ACO2: variants seen among roughly 807,000 people sequenced by gnomAD.
The protein encoded by ACO2 is aconitate hydratase, mitochondrial.
In ACO2, 31 loss-of-function variants were observed where a neutral mutation model predicts 84.5. The ratio of observed to expected loss-of-function variants is 0.37; its 90% CI spans 0.28 to 0.50. ACO2 has a LOEUF of 0.50. Ranked by LOEUF, ACO2 falls within the 20% of genes least tolerant of loss-of-function variation. The pLI, the probability that ACO2 is intolerant of heterozygous loss-of-function variation, is 0.97. For missense variants in ACO2, 685 were observed against 1,029.3 expected (o/e 0.67, Z 4.58); for synonymous variants, 414 against 412.7 (o/e 1.00, Z -0.04).
chr22:41,518,560 T>A lies in ACO2; in HGVS notation c.1020T>A (p.Ile340=), dbSNP rs779881455. 4.8e-5 allele frequency: 77 copies of A among 1,612,852 alleles called. No individual in the cohort carries two copies. Among genetic ancestry groups the A allele is most frequent in the Non-Finnish European group, 6.0e-5 (71 of 1,179,034 alleles). The change falls in exon 8 of 18, where the codon ATT becomes ATA. Residue 340 remains isoleucine, a synonymous_variant. Transcript: ENST00000216254. ...GCCATTATGACCAACTAATTGAAAT[T>A]AACCTCAGTGAGGTGAGGAGACAAT... The part of the protein sequence containing the change: ...PGCHYDQLIE[I]NLSELKPHIN...
In ACO2 at chr22:41,528,185, G is replaced by A. The variant is rs2066643955; in HGVS notation, c.2208+163G>A. ...ACAGAGAAAGCAAAGTGGCTTCTCAGAGTTGGGGGTTGGAGTCAACCCGGG... is the reference window on the plus strand; with the variant it reads ...ACAGAGAAAGCAAAGTGGCTTCTCAAAGTTGGGGGTTGGAGTCAACCCGGG... On this transcript the variant is annotated intron_variant, in intron 17 of 17. Coordinates refer to ENST00000216254, the MANE Select transcript of ACO2 (RefSeq NM_001098.3). 14 of 1,162,440 alleles carry A rather than the reference G, an allele frequency of 1.2e-5. No individual in the cohort carries two copies. In the South Asian group the frequency reaches 2.1e-4, roughly 18 times the overall value. 72.0% of individuals were successfully genotyped at this position (1,162,440 alleles called of 1,614,324 possible). A position where few individuals can be genotyped will look rare whatever the true frequency, so the allele number is the denominator to read the frequency against.
intron 2 of ACO2, among the ~76,000 whole-genome samples, chr22:41,504,554 A>G (rs1339578775): frequency 6.6e-6 from 1 of 152,052 alleles, no homozygotes; most frequent in Non-Finnish European, 1.5e-5. Context: ...CTCGGGGCCC[A>G]GAAGGAGGGG....
chr22:41,469,164 A>G lies in ACO2; in HGVS notation c.18A>G (p.Leu6=), dbSNP rs1287910260. 1.2e-6 allele frequency: 2 copies of G among 1,609,304 alleles called. No homozygotes were observed. The highest frequency in any genetic ancestry group is 2.3e-5 in the East Asian group (1 of 44,268). MAPYS[L]LVTRLQKALG... ...TGCACAAAATGGCGCCCTACAGCCT[A>G]CTGGTGACTCGGCTGCAGGTGAGCG... Residue 6 remains leucine, a synonymous_variant, in exon 1 of 18, where the codon CTA becomes CTG. Coordinates refer to ENST00000216254, the MANE Select transcript of ACO2 (RefSeq NM_001098.3).
At chr22:41,507,645 C>T (rs1414126261) in intron 2 of ACO2, 146 bp from the exon 3 acceptor site, 6 of 1,156,032 alleles carry the variant, frequency 5.2e-6, no homozygotes, top group Non-Finnish European at 6.0e-6. Context: ...CAGCAGTCCC[C>T]ACCCAAGTGG....
intron 4 of ACO2, among the ~76,000 whole-genome samples, chr22:41,514,713 T>A (rs1447631616): frequency 6.6e-6 from 1 of 152,186 alleles, no homozygotes; most frequent in Non-Finnish European, 1.5e-5. Flanking sequence ...TTGGGGGAAG[T>A]GCTCCCCACG....
In ACO2 at chr22:41,524,759, T is replaced by G; in HGVS notation, c.1483-87T>G. 13 of 1,584,766 alleles carry G rather than the reference T, an allele frequency of 8.2e-6. No homozygotes were observed. In the South Asian group the frequency reaches 1.3e-4, roughly 16 times the overall value. The stretch of plus-strand genomic sequence containing the variant: ...AACATGGAAATTTCCTGGGTTCCTT[T>G]CTCAGTTTTGGCCTAGGCTTTTGGT... On this transcript the variant is annotated intron_variant, in intron 12 of 17. Coordinates refer to ENST00000216254, the MANE Select transcript of ACO2 (RefSeq NM_001098.3).
intron 6 of ACO2, chr22:41,517,319 T>C (rs2066483147): frequency 3.7e-6 from 2 of 544,822 alleles, no homozygotes; most frequent in Non-Finnish European, 6.7e-6. Context: ...GCTGGGGCCC[T>C]GAGCTCTGAT....
At chr22:41,525,681 A>C (rs1028486362) in intron 14 of ACO2, 6 of 320,550 alleles carry the variant, frequency 1.9e-5, no homozygotes, top group Non-Finnish European at 2.9e-5. Flanking sequence ...ATTGCACAGC[A>C]GGCTCCACAC....
chr22:41,524,462 T>G (rs957178761), intron 12 of ACO2, among the ~76,000 whole-genome samples: 11 of 152,322 alleles, frequency 7.2e-5, no homozygotes, highest in South Asian at 2.1e-4. Context: ...TACAAATATG[T>G]CTTGCTAAAT....
In ACO2 at chr22:41,515,543, T is replaced by C. The variant is rs768916954; in HGVS notation, c.684+8T>C. ...GAGCTGAAGTGCCCCAAGGTGAGGG[T>C]GGGGAGGGACTCATTCTGGGCTGGC... On this transcript the variant is annotated splice_region_variant and intron_variant, in intron 5 of 17. Transcript: ENST00000216254. This position sits in a 1 kb window ranked among gnomAD's most constrained non-coding sequence, Gnocchi z 5.8. 1 of 1,603,938 alleles carries C rather than the reference T, an allele frequency of 6.2e-7. No individual in the cohort carries two copies. Among genetic ancestry groups the C allele is most frequent in the African/African-American group, 1.3e-5 (1 of 74,224 alleles).
intron 16 of ACO2, 166 bp from the exon 17 acceptor site, chr22:41,527,735 G>A (rs1008528411): frequency 1.6e-5 from 19 of 1,167,842 alleles, no homozygotes; most frequent in Non-Finnish European, 2.3e-5. Context: ...CACTTGCTAG[G>A]GGCACCCCTA....
rs1361526949 is a variant in ACO2, at chr22:41,500,301, AT to A, written c.173+443del. On this transcript the variant is annotated intron_variant, in intron 2 of 17. Transcript: ENST00000216254. ...ACTAAGATGGGACCTTTTTAATTTA[AT>A]TTTATTTTATTTTATTTTATTTTAT... Among the ~76,000 whole-genome samples the A allele has an allele frequency of 5.5e-5, 8 of 146,540 alleles. No homozygotes were observed. The South Asian group carries it at 6.3e-4, about 12-fold the overall frequency.
At chr22:41,503,523 G>T (rs1406350790) in intron 2 of ACO2, among the ~76,000 whole-genome samples, 1 of 151,950 alleles carries the variant, frequency 6.6e-6, no homozygotes, top group Non-Finnish European at 1.5e-5. Flanking sequence ...TAGAGAAGGG[G>T]TTTCACCATG....
At position 41,527,929 on chromosome 22, in the gene ACO2, G is replaced by T. The variant is rs1443000268; in HGVS notation, c.2115G>T (p.Leu705=). The change falls in exon 17 of 18, where the codon CTG becomes CTT. Residue 705 remains leucine, a synonymous_variant. Transcript: ENST00000216254. ...CCAACCTGAAGAAACAGGGCCTGCT[G>T]CCTCTGACCTTCGCTGACCCGGCTG... ...HETNLKKQGL[L]PLTFADPADY... is the part of the protein sequence containing the mutation. 1 of 1,614,078 alleles carries T rather than the reference G, an allele frequency of 6.2e-7. No homozygotes were observed. Among genetic ancestry groups the T allele is most frequent in the African/African-American group, 1.3e-5 (1 of 74,936 alleles).
rs761578002 is a variant in ACO2 at position 41,520,271 on chromosome 22, G to A, written c.1133G>A (p.Arg378Gln). The A allele has an allele frequency of 1.5e-5, 24 of 1,613,168 alleles. No homozygotes were observed. Among genetic ancestry groups the A allele is most frequent in the South Asian group, 1.1e-4 (10 of 91,034 alleles). ...AAGGAAGGATGGCCTCTGGACATCC[G>A]AGTGGGTGAGCACCTTCCACCCCAT... ...AEKEGWPLDIRVGLIGSCTNS... is the reference protein window; with the variant it reads ...AEKEGWPLDIQVGLIGSCTNS... The change falls in exon 9 of 18, where the codon CGA becomes CAA. Residue 378 changes from arginine (R) to glutamine (Q), a missense_variant. By Grantham distance (43) the Arg-to-Gln change is conservative. Coordinates refer to ENST00000216254, the MANE Select transcript of ACO2 (RefSeq NM_001098.3).
intron 12 of ACO2, among the ~76,000 whole-genome samples, chr22:41,524,161 G>A (rs2066554031): frequency 6.6e-6 from 1 of 152,212 alleles, no homozygotes; most frequent in African/African-American, 2.4e-5. Flanking sequence ...TTATGAGCAT[G>A]GAATTTGGAA....
intron 14 of ACO2, chr22:41,525,690 A>C: frequency 6.8e-6 from 2 of 294,532 alleles, no homozygotes; most frequent in Non-Finnish European, 6.4e-6. Flanking sequence ...CAGGCTCCAC[A>C]CCTGGCACGT....
At chr22:41,470,999 C>A (rs539582578) in intron 1 of ACO2, among the ~76,000 whole-genome samples, 1 of 152,112 alleles carries the variant, frequency 6.6e-6, no homozygotes, top group Non-Finnish European at 1.5e-5. Flanking sequence ...CATTTTGAAC[C>A]GAAAAGGATC....
chr22:41,501,566 A>G (rs117711330), intron 2 of ACO2, among the ~76,000 whole-genome samples: 1 of 152,182 alleles, frequency 6.6e-6, no homozygotes, highest in Non-Finnish European at 1.5e-5. Flanking sequence ...AACCTGAACA[A>G]CTGCAGATGG....
Sources: gnomAD v4.1 joint callset for allele counts (sites outside exome capture counted in the v4.1 genomes callset) on GRCh38, gnomAD v4.1.1 for gene constraint, Gnocchi (gnomAD v3.1) non-coding constraint, MANE v1.5 for transcripts, NCBI Gene and HGNC (gene_info 2026-07-23, HGNC 2026-07-21) for gene names.